KIAA1328: variants seen among roughly 807,000 people sequenced by gnomAD.
KIAA1328 encodes the protein KIAA1328.
In KIAA1328, 52 loss-of-function variants were observed where a neutral mutation model predicts 68.1. The observed-to-expected ratio is 0.76, with a 90% CI of 0.61 to 0.96. KIAA1328 has a LOEUF of 0.96. Ranked by LOEUF, KIAA1328 falls within the 40% of genes least tolerant of loss-of-function variation. The pLI is 0.00. For synonymous variants in KIAA1328, 232 were observed against 239.4 expected, an observed-to-expected ratio of 0.97 and a Z score of 0.28; for missense variants, 641 against 677.6, an observed-to-expected ratio of 0.95 and a Z score of 0.60.
chr18:36,860,935 G>T lies in KIAA1328; in HGVS notation c.332+16633G>T, dbSNP rs201109842. Among the ~76,000 whole-genome samples, 23 of 152,184 alleles carry T rather than the reference G, an allele frequency of 1.5e-4. No individual in the cohort carries two copies. The East Asian group carries it at 4.4e-3, about 29-fold the overall frequency. On this transcript the variant is annotated intron_variant, in intron 4 of 9. Transcript: ENST00000280020. ...TATTTTTTAAAAAATAGTACAGAGG[G>T]TTCTCTTCCCTTCCCCTAGCTTTGT...
At chr18:36,918,720 A>G (rs1312771112) in intron 5 of KIAA1328, among the ~76,000 whole-genome samples, 29 of 151,468 alleles carry the variant, frequency 1.9e-4, no homozygotes, top group Admixed American at 1.5e-3. Context: ...CGGCCTTTCT[A>G]TATTTTTAAT....
chr18:36,981,330 G>A (rs958526616), intron 6 of KIAA1328, among the ~76,000 whole-genome samples: 1 of 114,212 alleles, frequency 8.8e-6, no homozygotes, highest in African/African-American at 2.7e-5. Context: ...TAACTAAACT[G>A]TCACAGAATA....
chr18:36,959,727 A>G (rs192711442), intron 6 of KIAA1328, among the ~76,000 whole-genome samples: 2 of 152,330 alleles, frequency 1.3e-5, no homozygotes, highest in Admixed American at 1.3e-4. Flanking sequence ...CTGTTACTTA[A>G]TGAAGATCAG....
chr18:37,184,413 A>G (rs897564309), intron 9 of KIAA1328, among the ~76,000 whole-genome samples: 19 of 152,230 alleles, frequency 1.2e-4, no homozygotes, highest in Non-Finnish European at 1.6e-4. Context: ...GTCGGTATCA[A>G]TGAGGATATC....
At chr18:37,189,161 G>T (rs1227450950) in intron 9 of KIAA1328, among the ~76,000 whole-genome samples, 2 of 152,166 alleles carry the variant, frequency 1.3e-5, no homozygotes, top group Non-Finnish European at 2.9e-5. Context: ...TACTAGGACT[G>T]TTTCATTAGC....
At chr18:36,995,887 T>G (rs561390770) in intron 6 of KIAA1328, among the ~76,000 whole-genome samples, 1 of 152,322 alleles carries the variant, frequency 6.6e-6, no homozygotes, top group South Asian at 2.1e-4. Context: ...CAAAGTAAAG[T>G]GTACAGCTTC....
intron 6 of KIAA1328, among the ~76,000 whole-genome samples, chr18:37,018,230 G>A (rs1416671916): frequency 6.6e-6 from 1 of 152,068 alleles, no homozygotes; most frequent in African/African-American, 2.4e-5. Context: ...CTGAAGTTTG[G>A]TGGGATGTCA....
In KIAA1328 at chr18:36,994,930, C is replaced by G. The variant is rs538805119; in HGVS notation, c.576+35495C>G. On this transcript the variant is annotated intron_variant, in intron 6 of 9. Coordinates refer to ENST00000280020, the MANE Select transcript of KIAA1328 (RefSeq NM_020776.3). ...GTTCATGCTAAATCAGTTACCAATTCATTCACCCACTATTTATTTATTTAT... is the reference window on the plus strand; with the variant it reads ...GTTCATGCTAAATCAGTTACCAATTGATTCACCCACTATTTATTTATTTAT... Among the ~76,000 whole-genome samples the G allele has an allele frequency of 3.1e-5, 4 of 129,476 alleles. No homozygotes were observed. The South Asian group carries it at 1.1e-3, about 35-fold the overall frequency. The allele number at this position is 129,476 out of a possible 152,430, so 84.9% of individuals were successfully genotyped here. A position where few individuals can be genotyped will look rare whatever the true frequency, so the allele number is the denominator to read the frequency against.
chr18:37,078,917 T>C (rs1333012419), intron 7 of KIAA1328, among the ~76,000 whole-genome samples: 1 of 151,860 alleles, frequency 6.6e-6, no homozygotes, highest in Non-Finnish European at 1.5e-5. Context: ...TGGAGGTCAG[T>C]GTGGCGATTC....
At chr18:36,965,173 C>A (rs75248993) in intron 6 of KIAA1328, among the ~76,000 whole-genome samples, 3,533 of 152,100 alleles carry the variant, frequency 0.023, 136 homozygotes, top group African/African-American at 0.081. Context: ...TCTTTTATTT[C>A]CTTAAAATTG....
At chr18:37,080,796 A>AAAAAGAAC (rs1426453459) in intron 7 of KIAA1328, among the ~76,000 whole-genome samples, 2 of 151,756 alleles carry the variant, frequency 1.3e-5, no homozygotes, top group Non-Finnish European at 2.9e-5. Flanking sequence ...AAAAAAAGAA[A>AAAAAGAAC]AAAAGAACTA....
chr18:37,179,452 G>C (rs983332672), intron 9 of KIAA1328, among the ~76,000 whole-genome samples: 5 of 152,066 alleles, frequency 3.3e-5, no homozygotes, highest in Non-Finnish European at 7.4e-5. Flanking sequence ...TTGCTTTGCT[G>C]TCAACCATAT....
rs539432281 is a variant in KIAA1328, at chr18:37,213,112, G to C, written c.1524-8905G>C. ...GGTGATATAATTAAAAGCAACATCAGTCACTCTTAGCAAATGAGATTACAA... is the reference window on the plus strand; with the variant it reads ...GGTGATATAATTAAAAGCAACATCACTCACTCTTAGCAAATGAGATTACAA... On this transcript the variant is annotated intron_variant, in intron 9 of 9. Transcript: ENST00000280020. Among the ~76,000 whole-genome samples, 4 of 152,202 alleles carry C rather than the reference G, an allele frequency of 2.6e-5. No individual in the cohort carries two copies. The South Asian group carries it at 8.3e-4, about 32-fold the overall frequency.
intron 6 of KIAA1328, among the ~76,000 whole-genome samples, chr18:36,976,904 T>A (rs551069197): frequency 2.6e-5 from 4 of 152,218 alleles, no homozygotes; most frequent in South Asian, 4.1e-4. Flanking sequence ...TCCCAGGTCA[T>A]ATCAATGATT....
At chr18:37,103,276 CA>C (rs923454141) in intron 7 of KIAA1328, among the ~76,000 whole-genome samples, 5 of 152,058 alleles carry the variant, frequency 3.3e-5, no homozygotes, top group African/African-American at 1.2e-4. Flanking sequence ...GTATAGTAAC[CA>C]AAACAGCATG....
intron 7 of KIAA1328, among the ~76,000 whole-genome samples, chr18:37,149,287 A>G (rs113673788): frequency 0.013 from 1,981 of 152,282 alleles, 23 homozygotes; most frequent in South Asian, 0.031. Flanking sequence ...ATCTTCGACA[A>G]CCTGACAAAA....
At chr18:37,159,056 A>G (rs1348959967) in intron 7 of KIAA1328, among the ~76,000 whole-genome samples, 2 of 152,190 alleles carry the variant, frequency 1.3e-5, no homozygotes, top group Non-Finnish European at 2.9e-5. Context: ...ATTTAAAAAA[A>G]AAAGAAGAGT....
rs1225413092 is a variant in KIAA1328 at position 36,912,503 on chromosome 18, G to A, written c.448+26831G>A. 7.9e-5 allele frequency among the ~76,000 whole-genome samples: 12 copies of A among 152,102 alleles called. No homozygotes were observed. In the East Asian group the frequency reaches 2.3e-3, roughly 29 times the overall value. ...TTCCTAATTTAATCACATCTGCAAA[G>A]TCCCTTTTGCCAAGTAATGTAACAT... On this transcript the variant is annotated intron_variant, in intron 5 of 9. Transcript: ENST00000280020.
At chr18:37,171,140 T>G (rs2059491667) in intron 8 of KIAA1328, among the ~76,000 whole-genome samples, 1 of 152,212 alleles carries the variant, frequency 6.6e-6, no homozygotes, top group African/African-American at 2.4e-5. Flanking sequence ...TCAATAAAAT[T>G]TATATATACA....
Sources: gnomAD v4.1 joint callset for allele counts (sites outside exome capture counted in the v4.1 genomes callset) on GRCh38, gnomAD v4.1.1 for gene constraint, MANE v1.5 for transcripts, NCBI Gene and HGNC (gene_info 2026-07-23, HGNC 2026-07-21) for gene names.